The following ARID5B variants were observed in gnomAD, a reference collection of about 807,000 sequenced individuals.
ARID5B encodes AT-rich interactive domain-containing protein 5B.
In ARID5B, 13 loss-of-function variants were observed where a neutral mutation model predicts 97.2. That is an observed-to-expected ratio of 0.13 (90% CI 0.09 to 0.21). The LOEUF (loss-of-function observed/expected upper bound fraction) is 0.21, where lower values mean the gene tolerates loss of function less well. ARID5B is among the 10% of genes least tolerant of loss of function. The probability of loss-of-function intolerance (pLI) is 1.00; values close to 1 mark genes in which losing one functional copy is unlikely to be tolerated. For missense variants in ARID5B, 1,210 were observed against 1,465.3 expected, an observed-to-expected ratio of 0.83 and a Z score of 2.84; for synonymous variants, 556 against 570.3, an observed-to-expected ratio of 0.97 and a Z score of 0.36.
At chr10:62,083,798 T>C (rs1310246097) in intron 8 of ARID5B, among the ~76,000 whole-genome samples, 2 of 152,144 alleles carry the variant, frequency 1.3e-5, no homozygotes, top group African/African-American at 4.8e-5. Flanking sequence ...ATCCACAACC[T>C]GCCAATATTG....
chr10:61,939,326 C>A (rs1844359331), intron 2 of ARID5B, among the ~76,000 whole-genome samples: 1 of 151,988 alleles, frequency 6.6e-6, no homozygotes. Context: ...GGTGAAGGGG[C>A]CTCCCTTTGT....
At chr10:62,060,032 T>C (rs1257514618) in intron 7 of ARID5B, among the ~76,000 whole-genome samples, 1 of 152,186 alleles carries the variant, frequency 6.6e-6, no homozygotes, top group East Asian at 1.9e-4. Context: ...GAAGATGTTG[T>C]CATTGGGAAT....
chr10:61,917,535 G>T (rs1051927613), intron 2 of ARID5B, among the ~76,000 whole-genome samples: 3 of 152,110 alleles, frequency 2.0e-5, no homozygotes, highest in Admixed American at 2.0e-4. Flanking sequence ...TGCCATGTTG[G>T]TCAGGCTGGT....
chr10:62,087,298 C>CAAAAAA (rs71299289), intron 9 of ARID5B, among the ~76,000 whole-genome samples: 22,299 of 40,742 alleles, frequency 0.55, 7,452 homozygotes, highest in African/African-American at 0.61. Flanking sequence ...GACTCTATCT[C>CAAAAAA]AAAAAAAAAA....
chr10:62,077,894 AG>A (rs1046749700), intron 8 of ARID5B, among the ~76,000 whole-genome samples: 3 of 152,252 alleles, frequency 2.0e-5, no homozygotes, highest in African/African-American at 7.2e-5. Flanking sequence ...AAATTCAGAA[AG>A]CATGTTTCCA....
chr10:62,024,593 G>C (rs1233663478), intron 4 of ARID5B: 1 of 383,748 alleles, frequency 2.6e-6, no homozygotes, highest in Non-Finnish European at 4.6e-6. Context: ...AAGCAGCTTT[G>C]AACAGATAAG....
intron 4 of ARID5B, among the ~76,000 whole-genome samples, chr10:62,017,536 G>A (rs1297152862): frequency 6.6e-6 from 1 of 151,418 alleles, no homozygotes; most frequent in African/African-American, 2.4e-5. Context: ...TTCTGAGTCA[G>A]GCCACATATT....
In ARID5B at chr10:62,095,402, C is replaced by T. The variant is rs1488276821; in HGVS notation, c.*2372C>T. On this transcript the variant is annotated 3_prime_UTR_variant, in exon 10 of 10. Transcript: ENST00000279873. Reference sequence around the variant, plus strand: ...AAAAAGGAGGGGGGGCATCTGTCCCCGGTGGAGCTCACCTATTTGGAATAT... The same window carrying T: ...AAAAAGGAGGGGGGGCATCTGTCCCTGGTGGAGCTCACCTATTTGGAATAT... 2.6e-5 allele frequency: 6 copies of T among 233,500 alleles called. No homozygotes were observed. Among genetic ancestry groups the T allele is most frequent in the Admixed American group, 1.1e-4 (2 of 17,780 alleles). 14.5% of individuals were successfully genotyped at this position (233,500 alleles called of 1,614,324 possible).
intron 8 of ARID5B, among the ~76,000 whole-genome samples, chr10:62,084,988 C>A (rs1448717747): frequency 1.3e-5 from 2 of 152,144 alleles, no homozygotes; most frequent in African/African-American, 4.8e-5. Flanking sequence ...GCTGTGCTTG[C>A]CTCTCATTGA....
At chr10:62,015,806 T>C (rs1252853499) in intron 4 of ARID5B, among the ~76,000 whole-genome samples, 7 of 152,124 alleles carry the variant, frequency 4.6e-5, no homozygotes, top group Non-Finnish European at 7.4e-5. Context: ...GTATTTTCAA[T>C]AGAGATGGGG....
chr10:62,038,978 A>G (rs894618852), intron 4 of ARID5B, among the ~76,000 whole-genome samples: 1 of 152,238 alleles, frequency 6.6e-6, no homozygotes, highest in Non-Finnish European at 1.5e-5. Context: ...CTAACAGCGA[A>G]TAATGATCCA....
At chr10:61,940,445 G>T (rs1279510570) in intron 3 of ARID5B, 37 bp downstream of exon 3, 2 of 1,548,872 alleles carry the variant, frequency 1.3e-6, no homozygotes, top group African/African-American at 1.4e-5. Context: ...TAATGTGTGG[G>T]CGTATATAGT....
chr10:61,918,829 T>A (rs59558216), intron 2 of ARID5B, among the ~76,000 whole-genome samples: 31,161 of 151,530 alleles, frequency 0.21, 3,591 homozygotes, highest in South Asian at 0.27. Flanking sequence ...AGGTTAGGAG[T>A]TTGTGACCAG....
At chr10:61,966,304 C>T (rs1589238399) in intron 3 of ARID5B, among the ~76,000 whole-genome samples, 3 of 152,180 alleles carry the variant, frequency 2.0e-5, no homozygotes, top group Middle Eastern at 6.8e-3. Context: ...GCAGGGAGCA[C>T]GTTTTAAAAT....
chr10:62,070,499 GTCA>G (rs1840049620), intron 8 of ARID5B, among the ~76,000 whole-genome samples: 1 of 152,108 alleles, frequency 6.6e-6, no homozygotes, highest in Non-Finnish European at 1.5e-5. Context: ...ATTTGTTTAG[GTCA>G]TTACCAACTT....
chr10:62,078,857 A>G (rs1840172540), intron 8 of ARID5B, among the ~76,000 whole-genome samples: 2 of 152,236 alleles, frequency 1.3e-5, no homozygotes. Flanking sequence ...AGAGGCTGGA[A>G]TTCATGGAGG....
chr10:62,073,656 G>A (rs1307511314), intron 8 of ARID5B, among the ~76,000 whole-genome samples: 1 of 152,118 alleles, frequency 6.6e-6, no homozygotes, highest in Non-Finnish European at 1.5e-5. Context: ...CAGGCTCCTG[G>A]CCATAGTCCA....
At chr10:61,967,099 T>C (rs922588662) in intron 3 of ARID5B, among the ~76,000 whole-genome samples, 7 of 152,128 alleles carry the variant, frequency 4.6e-5, no homozygotes, top group Non-Finnish European at 8.8e-5. Context: ...CTTTAGGCCA[T>C]TTTTTAGCCC....
At chr10:61,987,001 T>C (rs1473573868) in intron 3 of ARID5B, among the ~76,000 whole-genome samples, 3 of 152,178 alleles carry the variant, frequency 2.0e-5, no homozygotes, top group Non-Finnish European at 2.9e-5. Flanking sequence ...TGAAGACATC[T>C]GGGCACTAGT....
Sources: allele counts gnomAD v4.1 joint callset (sites outside exome capture counted in the v4.1 genomes callset), GRCh38; gene constraint gnomAD v4.1.1; transcripts MANE v1.5; gene names NCBI Gene and HGNC (gene_info 2026-07-23, HGNC 2026-07-21).